DDAH1: variants seen among roughly 807,000 people sequenced by gnomAD.
DDAH1 encodes dimethylarginine dimethylaminohydrolase 1.
DDAH1 carries 19 observed loss-of-function variants against 28.8 expected under a neutral mutation model. That is an observed-to-expected ratio of 0.66 (90% confidence interval 0.46 to 0.97). The LOEUF (loss-of-function observed/expected upper bound fraction) is 0.97, where lower values mean the gene tolerates loss of function less well. Among genes scored for constraint, DDAH1 ranks in the 50% least tolerant of loss-of-function variants. The pLI, the probability that DDAH1 is intolerant of heterozygous loss-of-function variation, is 0.00. For synonymous variants in DDAH1, 153 were observed against 154.4 expected (o/e 0.99, Z 0.07); for missense variants, 326 against 375.9 (o/e 0.87, Z 1.10).
chr1:85,333,191 C>T (rs920329042), intron 4 of DDAH1, among the ~76,000 whole-genome samples: 3 of 152,206 alleles, frequency 2.0e-5, no homozygotes, highest in African/African-American at 7.2e-5. Context: ...CGGCAGCCTA[C>T]GCCACTGAGG....
chr1:85,362,120 A>AT lies in DDAH1; in HGVS notation c.304-3274dup, dbSNP rs201167891. Among the ~76,000 whole-genome samples, 1,324 of 150,208 alleles carry AT rather than the reference A, an allele frequency of 8.8e-3. 11 individuals are homozygous for AT. Among genetic ancestry groups the AT allele is most frequent in the Non-Finnish European group, 0.012 (822 of 67,458 alleles). On this transcript the variant is annotated intron_variant, in intron 1 of 5. Coordinates refer to ENST00000284031, the MANE Select transcript of DDAH1 (RefSeq NM_012137.4). The stretch of plus-strand genomic sequence containing the variant: ...GCTTTCCTGTGAATTAAAATTATAG[A>AT]TTTTTTTTTTGCAAAGCCAGTATAC...
In DDAH1 at chr1:85,464,482, C is replaced by G; in HGVS notation, c.303+261G>C. 1 of 1,521,806 alleles carries G rather than the reference C, an allele frequency of 6.6e-7. No homozygotes were observed. The highest frequency in any genetic ancestry group is 8.8e-7 in the Non-Finnish European group (1 of 1,138,060). The allele number at this position is 1,521,806 out of a possible 1,614,324, so 94.3% of individuals were successfully genotyped here. Reference sequence around the variant, plus strand: ...ATAAAAATGCCCGTGAGACGGAATCCCCCGCCCACCCACCTGCCCGAGACC... The same window carrying G: ...ATAAAAATGCCCGTGAGACGGAATCGCCCGCCCACCCACCTGCCCGAGACC... On this transcript the variant is annotated intron_variant, in intron 1 of 5. Transcript: ENST00000284031. The surrounding 1 kb of genome is among the most constrained non-coding windows in gnomAD (Gnocchi z 4.4).
chr1:85,395,598 G>A (rs1397477878), intron 1 of DDAH1, among the ~76,000 whole-genome samples: 1 of 151,992 alleles, frequency 6.6e-6, no homozygotes, highest in African/African-American at 2.4e-5. Flanking sequence ...CTTGAACCTG[G>A]GAGGCAGAGA....
intron 1 of DDAH1, among the ~76,000 whole-genome samples, chr1:85,402,466 A>G (rs996012981): frequency 2.0e-5 from 3 of 152,188 alleles, no homozygotes; most frequent in Non-Finnish European, 4.4e-5. Context: ...TTCAGTACAA[A>G]TTAATTTACC....
intron 1 of DDAH1, among the ~76,000 whole-genome samples, chr1:85,377,140 T>G (rs1468471206): frequency 6.6e-6 from 1 of 152,060 alleles, no homozygotes; most frequent in Non-Finnish European, 1.5e-5. Flanking sequence ...CAACTCCCAG[T>G]AGGTTGGCAT....
At chr1:85,475,774 T>C (rs1266021967) in intron 2 of DDAH1, among the ~76,000 whole-genome samples, 3 of 152,220 alleles carry the variant, frequency 2.0e-5, no homozygotes, top group South Asian at 2.1e-4. Context: ...AGTGGCTTTA[T>C]GGAGAAAGCC....
At chr1:85,473,375 G>T (rs535989941) in intron 2 of DDAH1, among the ~76,000 whole-genome samples, 2 of 152,038 alleles carry the variant, frequency 1.3e-5, no homozygotes, top group Admixed American at 1.3e-4. Flanking sequence ...ATATTTATGG[G>T]GAAGAAATAG....
intron 1 of DDAH1, among the ~76,000 whole-genome samples, chr1:85,443,025 G>A: frequency 6.6e-6 from 1 of 152,150 alleles, no homozygotes; most frequent in East Asian, 1.9e-4. Context: ...AAGCTCTTTA[G>A]TTTAATTAGA....
intron 1 of DDAH1, among the ~76,000 whole-genome samples, chr1:85,504,352 G>A (rs1052036038): frequency 2.0e-5 from 3 of 152,226 alleles, no homozygotes; most frequent in South Asian, 2.1e-4. Flanking sequence ...AGAACAAAGG[G>A]TGATAACTTA....
intron 2 of DDAH1, among the ~76,000 whole-genome samples, chr1:85,475,867 T>C (rs1338661881): frequency 6.6e-6 from 1 of 152,174 alleles, no homozygotes; most frequent in Non-Finnish European, 1.5e-5. Context: ...TTTTGGTTTT[T>C]TCGAGACATG....
rs189534323 is a variant in DDAH1 at position 85,511,225 on chromosome 1, C to G, written c.-122-14944G>C. On this transcript the variant is annotated intron_variant, in intron 1 of 6. Transcript: ENST00000426972. ...TCAAAACTGCACAACTACCTGGAAACTGAACAACTTGCTTCTGAATGACTA... is the reference window on the plus strand; with the variant it reads ...TCAAAACTGCACAACTACCTGGAAAGTGAACAACTTGCTTCTGAATGACTA... Among the ~76,000 whole-genome samples the G allele has an allele frequency of 7.7e-3, 1,172 of 152,284 alleles. 9 individuals are homozygous for G. Among genetic ancestry groups the G allele is most frequent in the Non-Finnish European group, 0.014 (979 of 68,014 alleles).
At chr1:85,335,828 G>A (rs966934404) in intron 4 of DDAH1, among the ~76,000 whole-genome samples, 2 of 152,058 alleles carry the variant, frequency 1.3e-5, no homozygotes, top group African/African-American at 4.8e-5. Context: ...TGGGCATGGT[G>A]GTGCATGCTT....
chr1:85,408,298 T>C (rs1652500893), intron 1 of DDAH1, among the ~76,000 whole-genome samples: 1 of 151,918 alleles, frequency 6.6e-6, no homozygotes, highest in African/African-American at 2.4e-5. Flanking sequence ...TCTTCCTTTT[T>C]TTTTTTTTAT....
intron 2 of DDAH1, chr1:85,494,510 T>C (rs1277293699): frequency 6.6e-6 from 1 of 152,216 alleles, no homozygotes; most frequent in Non-Finnish European, 1.5e-5. Flanking sequence ...ACACTCCTGC[T>C]TCTCCTCTCC....
chr1:85,544,836 A>G (rs1436799572), intron 1 of DDAH1, among the ~76,000 whole-genome samples: 1 of 152,070 alleles, frequency 6.6e-6, no homozygotes, highest in Non-Finnish European at 1.5e-5. Flanking sequence ...CTGGTTGAGG[A>G]ATTTGGCTCT....
At chr1:85,556,439 C>T (rs1032825601) in intron 1 of DDAH1, among the ~76,000 whole-genome samples, 3 of 152,088 alleles carry the variant, frequency 2.0e-5, no homozygotes, top group African/African-American at 4.8e-5. Context: ...GGTGAGAAAG[C>T]GGCTGTACGA....
At chr1:85,445,223 C>A (rs181936111) in intron 1 of DDAH1, among the ~76,000 whole-genome samples, 2 of 152,246 alleles carry the variant, frequency 1.3e-5, no homozygotes, top group East Asian at 3.9e-4. Flanking sequence ...TACTTTGTAT[C>A]CTTCAATCCA....
At chr1:85,424,329 CTT>C (rs113700444) in intron 1 of DDAH1, among the ~76,000 whole-genome samples, 6 of 152,142 alleles carry the variant, frequency 3.9e-5, no homozygotes, top group African/African-American at 1.4e-4. Context: ...ATAAGGTAAA[CTT>C]GAGCCTGGTA....
chr1:85,391,142 C>G (rs1042305998), intron 1 of DDAH1, among the ~76,000 whole-genome samples: 99 of 152,194 alleles, frequency 6.5e-4, no homozygotes, highest in Non-Finnish European at 7.9e-4. Context: ...TCCCCTCTGT[C>G]TTAAATGCCT....
Sources: gnomAD v4.1 joint callset for allele counts (sites outside exome capture counted in the v4.1 genomes callset) on GRCh38, gnomAD v4.1.1 for gene constraint, Gnocchi (gnomAD v3.1) non-coding constraint, MANE v1.5 for transcripts, NCBI Gene and HGNC (gene_info 2026-07-23, HGNC 2026-07-21) for gene names.